Variants in PLD5 observed in about 807,000 individuals in gnomAD.
The protein encoded by PLD5 is phospholipase D family member 5, also known as inactive phospholipase D5.
Under a neutral mutation model 61.1 loss-of-function variants are expected in PLD5, and 36 were observed. The ratio of observed to expected loss-of-function variants is 0.59; its 90% CI spans 0.45 to 0.78. PLD5 has a LOEUF of 0.78. Among genes scored for constraint, PLD5 ranks in the 30% least tolerant of loss-of-function variants. The pLI, the probability that PLD5 is intolerant of heterozygous loss-of-function variation, is 0.00. For missense variants in PLD5, 515 were observed against 644.4 expected (o/e 0.80, Z 2.17); for synonymous variants, 243 against 242.8 (o/e 1.00, Z -0.01).
intron 1 of PLD5, among the ~76,000 whole-genome samples, chr1:242,494,879 T>TTTTTTC (rs1558146952): frequency 4.0e-5 from 2 of 50,278 alleles, no homozygotes; most frequent in African/African-American, 1.8e-4. Flanking sequence ...TTTTCTTTTC[T>TTTTTTC]GTTTTTTTTT....
chr1:242,409,918 C>G (rs1183728738), intron 1 of PLD5, among the ~76,000 whole-genome samples: 1 of 152,214 alleles, frequency 6.6e-6, no homozygotes, highest in Non-Finnish European at 1.5e-5. Flanking sequence ...TAATGGCCCA[C>G]ACTTGTGTAT....
chr1:242,334,454 T>C lies in PLD5; in HGVS notation c.326+13652A>G, dbSNP rs1310011317. ...ACTGAGACAGAGACTGATAGCAAGA[T>C]GTGTGCTACAGGAAACGCCGTGATA... On this transcript the variant is annotated intron_variant, in intron 2 of 9. Transcript: ENST00000536534. Among the ~76,000 whole-genome samples, 5 of 152,140 alleles carry C rather than the reference T, an allele frequency of 3.3e-5. No homozygotes were observed. In the South Asian group the frequency reaches 8.3e-4, roughly 25 times the overall value.
intron 5 of PLD5, among the ~76,000 whole-genome samples, chr1:242,141,548 G>T (rs1664174982): frequency 6.6e-6 from 1 of 152,154 alleles, no homozygotes; most frequent in Non-Finnish European, 1.5e-5. Flanking sequence ...TCTTCCTCAG[G>T]CAGTTTTAAT....
chr1:242,204,461 G>C (rs1669195158), intron 5 of PLD5, among the ~76,000 whole-genome samples: 1 of 152,126 alleles, frequency 6.6e-6, no homozygotes, highest in Non-Finnish European at 1.5e-5. Context: ...TGCCCACCTT[G>C]CTGTACTGCT....
chr1:242,280,844 A>T (rs545345668), intron 3 of PLD5, among the ~76,000 whole-genome samples: 40 of 152,370 alleles, frequency 2.6e-4, no homozygotes, highest in African/African-American at 8.7e-4. Context: ...TGTCAAAAAC[A>T]GGATTCTTCT....
At position 242,457,205 on chromosome 1, in the gene PLD5, G is replaced by A. The variant is rs559744955; in HGVS notation, c.189+66883C>T. Among the ~76,000 whole-genome samples the A allele has an allele frequency of 1.8e-4, 28 of 152,248 alleles. No homozygotes were observed. The East Asian group carries it at 4.2e-3, about 23-fold the overall frequency. On this transcript the variant is annotated intron_variant, in intron 1 of 9. Transcript: ENST00000536534. ...AAGCTTTTAAAAATTTGCTTGATCA[G>A]TGGCATATTAAACATATTACTGGTA...
chr1:242,336,500 A>G (rs1214158416), intron 2 of PLD5, among the ~76,000 whole-genome samples: 2 of 152,114 alleles, frequency 1.3e-5, no homozygotes, highest in Non-Finnish European at 2.9e-5. Flanking sequence ...CTGTCTTAAT[A>G]CGTAAAGGCG....
At chr1:242,340,970 A>G (rs1347131909) in intron 2 of PLD5, among the ~76,000 whole-genome samples, 2 of 152,066 alleles carry the variant, frequency 1.3e-5, no homozygotes, top group South Asian at 2.1e-4. Context: ...TTGGACGACA[A>G]TATAAGGACA....
chr1:242,235,521 GA>G (rs1671583034), intron 4 of PLD5: 1 of 152,246 alleles, frequency 6.6e-6, no homozygotes, highest in South Asian at 2.1e-4. Context: ...CTGGGCCATG[GA>G]AAGGAAGGGA....
intron 1 of PLD5, among the ~76,000 whole-genome samples, chr1:242,383,537 TTTTTC>T (rs1451257883): frequency 6.6e-6 from 1 of 151,974 alleles, no homozygotes; most frequent in Non-Finnish European, 1.5e-5. Flanking sequence ...TCTGTTAAAT[TTTTTC>T]TTTTCTTTGC....
chr1:242,453,128 G>A (rs992101620), intron 1 of PLD5, among the ~76,000 whole-genome samples: 2 of 152,176 alleles, frequency 1.3e-5, no homozygotes, highest in African/African-American at 4.8e-5. Flanking sequence ...TTTAGAAGGT[G>A]ACAAGATCAA....
At position 242,497,845 on chromosome 1, in the gene PLD5, A is replaced by C. The variant is rs544285924; in HGVS notation, c.189+26243T>G. Among the ~76,000 whole-genome samples, 203 of 152,356 alleles carry C rather than the reference A, an allele frequency of 1.3e-3. 1 individual carries two copies. The highest frequency in any genetic ancestry group is 4.5e-3 in the African/African-American group (186 of 41,568). On this transcript the variant is annotated intron_variant, in intron 1 of 9. Coordinates refer to ENST00000536534, the MANE Select transcript of PLD5 (RefSeq NM_001372062.1). ...CCAAGCACTGCGGAAGGAAGGAAGT[A>C]AGTCAACAGGGTGGCTGCCCTCATG...
intron 1 of PLD5, among the ~76,000 whole-genome samples, chr1:242,385,013 A>G (rs1182613464): frequency 6.6e-6 from 1 of 152,234 alleles, no homozygotes; most frequent in Non-Finnish European, 1.5e-5. Flanking sequence ...TGTGCCAAAA[A>G]GCAAGGAAGC....
chr1:242,349,239 T>C (rs1660336323), intron 1 of PLD5, among the ~76,000 whole-genome samples: 2 of 152,106 alleles, frequency 1.3e-5, no homozygotes, highest in Admixed American at 1.3e-4. Flanking sequence ...CTATAAGGGG[T>C]TGTAGAGACC....
chr1:242,386,599 A>G (rs778460614), intron 1 of PLD5, among the ~76,000 whole-genome samples: 6 of 152,194 alleles, frequency 3.9e-5, no homozygotes, highest in Non-Finnish European at 8.8e-5. Context: ...CAGAATACAA[A>G]GCACTCAACA....
At chr1:242,121,911 G>A (rs537314901) in intron 6 of PLD5, among the ~76,000 whole-genome samples, 64 of 137,416 alleles carry the variant, frequency 4.7e-4, no homozygotes, top group Admixed American at 3.5e-3. Flanking sequence ...TGGACACAGG[G>A]AGGGGAACAT....
intron 2 of PLD5, among the ~76,000 whole-genome samples, chr1:242,309,666 A>G (rs1191424239): frequency 3.4e-5 from 3 of 87,922 alleles, no homozygotes; most frequent in Admixed American, 1.4e-4. Flanking sequence ...GAGCCACTGC[A>G]CTTGGCCTAT....
chr1:242,101,094 C>T (rs995666352), intron 8 of PLD5, among the ~76,000 whole-genome samples: 5 of 152,120 alleles, frequency 3.3e-5, no homozygotes, highest in East Asian at 1.9e-4. Context: ...TCTTATTCAT[C>T]GGGGTGCCAG....
intron 3 of PLD5, among the ~76,000 whole-genome samples, chr1:242,273,928 G>A (rs1276265848): frequency 6.6e-6 from 1 of 152,154 alleles, no homozygotes; most frequent in African/African-American, 2.4e-5. Context: ...GGCAGGCTCT[G>A]GAGCCACTGG....
Sources: allele counts gnomAD v4.1 joint callset (sites outside exome capture counted in the v4.1 genomes callset), GRCh38; gene constraint gnomAD v4.1.1; transcripts MANE v1.5; gene names NCBI Gene and HGNC (gene_info 2026-07-23, HGNC 2026-07-21).